The following PMPCB variants were observed in gnomAD, a reference collection of about 807,000 sequenced individuals.
PMPCB encodes the protein mitochondrial-processing peptidase subunit beta.
PMPCB carries 46 observed loss-of-function variants against 61.5 expected under a neutral mutation model. That is an observed-to-expected ratio of 0.75 (90% CI 0.59 to 0.96). The LOEUF is 0.96. Among genes scored for constraint, PMPCB ranks in the 40% least tolerant of loss-of-function variants. PMPCB has a pLI of 0.00. For missense variants in PMPCB, 590 were observed against 602.4 expected (o/e 0.98, Z 0.22); for synonymous variants, 191 against 201.6 (o/e 0.95, Z 0.44).
chr7:103,334,118 T>C (rs925961790), downstream of PMPCB, among the ~76,000 whole-genome samples: 1 of 151,926 alleles, frequency 6.6e-6, no homozygotes, highest in Admixed American at 6.5e-5. Context: ...GCCCAGCTGA[T>C]ATTTTTGTAT....
rs770883785 is a variant in PMPCB, at chr7:103,313,521, A to ACTT, written c.*1251_*1253dup. 4.1e-6 allele frequency: 4 copies of ACTT among 984,420 alleles called. No individual in the cohort carries two copies. The highest frequency in any genetic ancestry group is 4.8e-6 in the Non-Finnish European group (4 of 829,124). The allele number at this position is 984,420 out of a possible 1,614,324, so 61.0% of individuals were successfully genotyped here. A position where few individuals can be genotyped will look rare whatever the true frequency, so the allele number is the denominator to read the frequency against. On this transcript the variant is annotated 3_prime_UTR_variant, in exon 13 of 13. Coordinates refer to ENST00000249269, the MANE Select transcript of PMPCB (RefSeq NM_004279.3). ...GGTAAAAGAGCTTCCTCACAGTTAA[A>ACTT]CTTTTGCTGGATAGAAACCCTGGAA...
At chr7:103,320,863 C>CT (rs1818367005) in intron 12 of PMPCB, 1 of 126,124 alleles carries the variant, frequency 7.9e-6, no homozygotes, top group African/African-American at 3.3e-5. Flanking sequence ...GATGGAGACT[C>CT]TGTCTTGTTT....
At chr7:103,308,277 T>TACAG (rs1817640770) in intron 7 of PMPCB, among the ~76,000 whole-genome samples, 1 of 152,200 alleles carries the variant, frequency 6.6e-6, no homozygotes, top group East Asian at 1.9e-4. Flanking sequence ...AACTGTAGCA[T>TACAG]TGGCAGTACA....
intron 12 of PMPCB, chr7:103,328,873 C>A: frequency 2.0e-6 from 1 of 492,040 alleles, no homozygotes; most frequent in South Asian, 2.2e-5. Context: ...TAAATAATGC[C>A]AATTTGAATA....
chr7:103,346,818 ATGTGTGTGTGTGTG>A, the PMPCB span, among the ~76,000 whole-genome samples: 21 of 150,190 alleles, frequency 1.4e-4, no homozygotes, highest in East Asian at 5.9e-4. Flanking sequence ...AGGCTGAATA[ATGTGTGTGTGTGTG>A]TGTGTGTGTG....
Position 103,314,040 on chromosome 7 carries a change from A to G in PMPCB, c.*1769A>G. 1 of 985,308 alleles carries G rather than the reference A, an allele frequency of 1.0e-6. No homozygotes were observed. The highest frequency in any genetic ancestry group is 1.1e-4 in the East Asian group (1 of 8,818). The allele number at this position is 985,308 out of a possible 1,614,324, so 61.0% of individuals were successfully genotyped here. ...TAAAGAAGGAAAAACAAAACAAAAC[A>G]AAACAAAACCACCACCTATTCAAAA... On this transcript the variant is annotated 3_prime_UTR_variant, in exon 13 of 13. Transcript: ENST00000249269.
chr7:103,313,146 T>G lies in PMPCB; in HGVS notation c.*875T>G. 1 of 1,570,138 alleles carries G rather than the reference T, an allele frequency of 6.4e-7. No individual in the cohort carries two copies. The highest frequency in any genetic ancestry group is 8.6e-7 in the Non-Finnish European group (1 of 1,163,456). ...ATTTGAAAACTGTCTTTGAACATGT[T>G]CTCAGACAAGTCTTGTGGTCCACAA... On this transcript the variant is annotated 3_prime_UTR_variant, in exon 13 of 13. Coordinates refer to ENST00000249269, the MANE Select transcript of PMPCB (RefSeq NM_004279.3).
chr7:103,306,719 T>G (rs965366020), intron 6 of PMPCB, among the ~76,000 whole-genome samples: 1 of 152,070 alleles, frequency 6.6e-6, no homozygotes, highest in Non-Finnish European at 1.5e-5. Context: ...GCATGGAGAA[T>G]AAAGTTTATC....
chr7:103,334,260 C>T (rs995009943), downstream of PMPCB, among the ~76,000 whole-genome samples: 5 of 150,670 alleles, frequency 3.3e-5, no homozygotes, highest in Non-Finnish European at 1.5e-5. Context: ...CTGTTGTGAA[C>T]GTTTTTGCAG....
chr7:103,313,929 A>G lies in PMPCB; in HGVS notation c.*1658A>G, dbSNP rs1160588704. On this transcript the variant is annotated 3_prime_UTR_variant, in exon 13 of 13. Coordinates refer to ENST00000249269, the MANE Select transcript of PMPCB (RefSeq NM_004279.3). Reference sequence around the variant, plus strand: ...CTATGCAGTGACAACACAGACTAATACTACCAGTAGCCTGACTACTACTAG... The same window carrying G: ...CTATGCAGTGACAACACAGACTAATGCTACCAGTAGCCTGACTACTACTAG... 18 of 985,312 alleles carry G rather than the reference A, an allele frequency of 1.8e-5. No homozygotes were observed. The highest frequency in any genetic ancestry group is 6.0e-6 in the Non-Finnish European group (5 of 829,940). 61.0% of individuals were successfully genotyped at this position (985,312 alleles called of 1,614,324 possible).
chr7:103,331,667 T>C (rs934785568), downstream of PMPCB, among the ~76,000 whole-genome samples: 3 of 152,196 alleles, frequency 2.0e-5, no homozygotes, highest in Non-Finnish European at 4.4e-5. Flanking sequence ...TCCAGTTCCA[T>C]CTATATTTCT....
chr7:103,344,691 T>TC, the PMPCB span: 1 of 1,527,274 alleles, frequency 6.5e-7, no homozygotes, highest in Non-Finnish European at 9.0e-7. Flanking sequence ...TAGGGTCCCC[T>TC]CCAGCTCTAC....
Position 103,300,318 on chromosome 7 carries a change from T to G in PMPCB, c.457+11T>G, listed in dbSNP as rs374058741. 21 of 1,580,276 alleles carry G rather than the reference T, an allele frequency of 1.3e-5. No individual in the cohort carries two copies. In the African/African-American group the frequency reaches 2.2e-4, roughly 16 times the overall value. On this transcript the variant is annotated intron_variant, in intron 4 of 12. Transcript: ENST00000249269. ...AAGACTTGCCAAGAGGTACTGTTAT[T>G]ATTTATACAGCAGATAATGTAATTT... is the stretch of plus-strand genomic sequence containing the variant.
the PMPCB span, among the ~76,000 whole-genome samples, chr7:103,339,512 CTTCA>C: frequency 6.6e-6 from 1 of 152,056 alleles, no homozygotes; most frequent in South Asian, 2.1e-4. Flanking sequence ...CCTAATCACT[CTTCA>C]TTCACTGTAA....
the PMPCB span, chr7:103,344,201 C>T: frequency 3.4e-6 from 1 of 293,644 alleles, no homozygotes; most frequent in Admixed American, 4.9e-5. Flanking sequence ...CGACCCCAGG[C>T]ACGTGGGGTG....
At chr7:103,328,545 C>T (rs1007614884) in intron 12 of PMPCB, among the ~76,000 whole-genome samples, 1 of 152,042 alleles carries the variant, frequency 6.6e-6, no homozygotes, top group East Asian at 1.9e-4. Context: ...ACATAAGAAT[C>T]GCTTGAACCC....
intron 12 of PMPCB, chr7:103,319,758 T>C (rs1248867680): frequency 6.2e-7 from 1 of 1,614,214 alleles, no homozygotes. Context: ...AGGTATACCT[T>C]GCCAGTTCAA....
the PMPCB span, chr7:103,337,368 TA>T: frequency 4.1e-4 from 64 of 157,096 alleles, no homozygotes; most frequent in Non-Finnish European, 5.8e-4. Context: ...CAAAATAACG[TA>T]AAAAAAAAAC....
chr7:103,319,910 C>A, intron 12 of PMPCB: 2 of 1,542,028 alleles, frequency 1.3e-6, no homozygotes, highest in South Asian at 2.2e-5. Context: ...AATTACAAAG[C>A]TGTAATCCCA....
Sources: allele counts gnomAD v4.1 joint callset (sites outside exome capture counted in the v4.1 genomes callset), GRCh38; gene constraint gnomAD v4.1.1; transcripts MANE v1.5; gene names NCBI Gene and HGNC (gene_info 2026-07-23, HGNC 2026-07-21).